Variants in SOD2 observed in about 807,000 individuals in gnomAD.
SOD2 encodes superoxide dismutase 2, also known as superoxide dismutase [Mn], mitochondrial.
In SOD2, 11 loss-of-function variants were observed where a neutral mutation model predicts 27.0. The observed-to-expected ratio is 0.41, with a 90% CI of 0.26 to 0.67. The LOEUF is 0.67. Ranked by LOEUF, SOD2 falls within the 30% of genes least tolerant of loss-of-function variation. The pLI is 0.34. For synonymous variants in SOD2, 105 were observed against 103.0 expected, an observed-to-expected ratio of 1.02 and a Z score of -0.12; for missense variants, 250 against 274.5, an observed-to-expected ratio of 0.91 and a Z score of 0.63.
At chr6:159,704,397 G>A (rs148444277) in intron 1 of SOD2, among the ~76,000 whole-genome samples, 176 of 152,276 alleles carry the variant, frequency 1.2e-3, no homozygotes, top group Middle Eastern at 6.8e-3. Context: ...TGTGACAGAC[G>A]GCACCTGGAA....
upstream of SOD2, among the ~76,000 whole-genome samples, chr6:159,746,846 C>T (rs563273688): frequency 7.2e-5 from 11 of 152,316 alleles, no homozygotes; most frequent in South Asian, 1.9e-3. Flanking sequence ...GTCTGATTCA[C>T]CTCTCTTTTC....
intron 1 of SOD2, among the ~76,000 whole-genome samples, chr6:159,735,993 G>A (rs1778889978): frequency 6.6e-6 from 1 of 152,010 alleles, no homozygotes; most frequent in African/African-American, 2.4e-5. Flanking sequence ...TTTTTACGAG[G>A]GAATTTGTAA....
At chr6:159,702,850 GAAAA>G (rs35570449) in intron 1 of SOD2, among the ~76,000 whole-genome samples, 4 of 30,674 alleles carry the variant, frequency 1.3e-4, no homozygotes, top group Non-Finnish European at 1.8e-4. Context: ...ACCCTATCTC[GAAAA>G]AAAAAAAAAA....
At chr6:159,726,208 G>GTT (rs2114845729) in intron 1 of SOD2, 1 of 152,492 alleles carries the variant, frequency 6.6e-6, no homozygotes, top group Admixed American at 6.5e-5. Context: ...TATTTCCATT[G>GTT]TAAGTGAGGT....
chr6:159,734,453 A>G (rs1778782865), intron 1 of SOD2, among the ~76,000 whole-genome samples: 1 of 152,146 alleles, frequency 6.6e-6, no homozygotes, highest in Admixed American at 6.5e-5. Flanking sequence ...TATAATAAGT[A>G]TGGGTAATTA....
chr6:159,729,199 T>C (rs775713605), upstream of SOD2, among the ~76,000 whole-genome samples: 4 of 152,242 alleles, frequency 2.6e-5, no homozygotes, highest in Non-Finnish European at 1.5e-5. Flanking sequence ...ATATATTGTT[T>C]AGCAGTTTTG....
At chr6:159,726,745 C>T (rs1778186983) in intron 1 of SOD2, 1 of 1,282,762 alleles carries the variant, frequency 7.8e-7, no homozygotes, top group South Asian at 1.2e-5. Flanking sequence ...AATAGCTCCT[C>T]GATGCGTCTC....
chr6:159,737,868 A>G (rs59517104), intron 1 of SOD2, among the ~76,000 whole-genome samples: 12,642 of 152,188 alleles, frequency 0.083, 1,158 homozygotes, highest in African/African-American at 0.22. Context: ...CTGTTTCTCA[A>G]TTTTTGAAGC....
At chr6:159,727,358 G>A, upstream of SOD2, 1 of 1,253,686 alleles carries the variant, frequency 8.0e-7, no homozygotes, top group Non-Finnish European at 1.0e-6. Context: ...AGGCGAACAT[G>A]GCGGAGCGGG....
At chr6:159,686,381 T>C (rs1780187238) in intron 3 of SOD2, among the ~76,000 whole-genome samples, 2 of 152,140 alleles carry the variant, frequency 1.3e-5, no homozygotes, top group South Asian at 4.1e-4. Context: ...GCACGGTGGC[T>C]CACACCTGTA....
chr6:159,729,647 T>C (rs1225390808), upstream of SOD2, among the ~76,000 whole-genome samples: 1 of 152,256 alleles, frequency 6.6e-6, no homozygotes, highest in East Asian at 1.9e-4. Flanking sequence ...CAAAATTATC[T>C]TTTTGCTGAC....
chr6:159,697,460 A>G (rs1057114815), upstream of SOD2, among the ~76,000 whole-genome samples: 1 of 152,222 alleles, frequency 6.6e-6, no homozygotes, highest in Admixed American at 6.5e-5. Flanking sequence ...AGCTATATTA[A>G]GGTTTCAATG....
chr6:159,670,619 G>A lies in SOD2; in HGVS notation c.*11874C>T, dbSNP rs1364956936. ...ATGCCAGACTTGGGTTGGGTTCCAAGATGGCCGAATAGGAACAGCTCCAGT... is the reference window on the plus strand; with the variant it reads ...ATGCCAGACTTGGGTTGGGTTCCAAAATGGCCGAATAGGAACAGCTCCAGT... On this transcript the variant is annotated 3_prime_UTR_variant, in exon 5 of 5. Transcript: ENST00000538183. 2 of 152,954 alleles carry A rather than the reference G, an allele frequency of 1.3e-5. No homozygotes were observed. Among genetic ancestry groups the A allele is most frequent in the Non-Finnish European group, 2.9e-5 (2 of 68,670 alleles). The allele number at this position is 152,954 out of a possible 1,614,324, so 9.5% of individuals were successfully genotyped here. A position where few individuals can be genotyped will look rare whatever the true frequency, so the allele number is the denominator to read the frequency against.
intron 1 of SOD2, among the ~76,000 whole-genome samples, chr6:159,721,952 G>A (rs1778050086): frequency 6.6e-6 from 1 of 151,828 alleles, no homozygotes; most frequent in African/African-American, 2.4e-5. Context: ...ATTTCATTAA[G>A]GTTTGCATCA....
intron 1 of SOD2, among the ~76,000 whole-genome samples, chr6:159,714,363 T>C (rs1039170937): frequency 1.3e-5 from 2 of 152,198 alleles, no homozygotes; most frequent in African/African-American, 4.8e-5. Flanking sequence ...TACATACGGA[T>C]TCTTCCCTCC....
intron 1 of SOD2, among the ~76,000 whole-genome samples, chr6:159,750,631 T>C (rs1779783111): frequency 6.6e-6 from 1 of 152,216 alleles, no homozygotes; most frequent in Non-Finnish European, 1.5e-5. Flanking sequence ...TTGTTTTTTT[T>C]TACTTGGTCT....
chr6:159,673,554 A>G lies in SOD2; in HGVS notation c.*8939T>C, dbSNP rs1562409866. Reference sequence around the variant, plus strand: ...AAGATGTTCTTTGAAACCAACGAGAACAAAGACACAACATACCAGAATCTC... The same window carrying G: ...AAGATGTTCTTTGAAACCAACGAGAGCAAAGACACAACATACCAGAATCTC... On this transcript the variant is annotated 3_prime_UTR_variant, in exon 5 of 5. Coordinates refer to ENST00000538183, the MANE Select transcript of SOD2 (RefSeq NM_000636.4). 6.6e-6 allele frequency: 1 copy of G among 152,234 alleles called. No individual in the cohort carries two copies. Among genetic ancestry groups the G allele is most frequent in the Non-Finnish European group, 1.5e-5 (1 of 68,042 alleles). 9.4% of individuals were successfully genotyped at this position (152,234 alleles called of 1,614,324 possible). A position where few individuals can be genotyped will look rare whatever the true frequency, so the allele number is the denominator to read the frequency against.
Position 159,677,151 on chromosome 6 carries a change from T to C in SOD2, c.*5342A>G, listed in dbSNP as rs1260846042. ...GTCCTGGGACTTCATGGAGCACAAA[T>C]TATAGTGGGCAGAGAGGCAAACTTG... is the stretch of plus-strand genomic sequence containing the variant. On this transcript the variant is annotated 3_prime_UTR_variant, in exon 5 of 5. Transcript: ENST00000538183. 6.6e-6 allele frequency: 1 copy of C among 152,096 alleles called. No individual in the cohort carries two copies. Among genetic ancestry groups the C allele is most frequent in the African/African-American group, 2.4e-5 (1 of 41,404 alleles). 9.4% of individuals were successfully genotyped at this position (152,096 alleles called of 1,614,324 possible). A position where few individuals can be genotyped will look rare whatever the true frequency, so the allele number is the denominator to read the frequency against.
chr6:159,693,328 GCCC>G (rs1179283966), upstream of SOD2: 21 of 202,814 alleles, frequency 1.0e-4, no homozygotes, highest in Admixed American at 2.6e-4. Flanking sequence ...CCGCCGCCCC[GCCC>G]CCCCCCCCCG....
Sources: allele counts gnomAD v4.1 joint callset (sites outside exome capture counted in the v4.1 genomes callset), GRCh38; gene constraint gnomAD v4.1.1; transcripts MANE v1.5; gene names NCBI Gene and HGNC (gene_info 2026-07-23, HGNC 2026-07-21).